The following CDK17 variants were observed in gnomAD, a reference collection of about 807,000 sequenced individuals.
The protein encoded by CDK17 is cyclin dependent kinase 17.
CDK17 carries 24 observed loss-of-function variants against 77.6 expected under a neutral mutation model. The ratio of observed to expected loss-of-function variants is 0.31; its 90% CI spans 0.22 to 0.44. CDK17 has a LOEUF of 0.44. Ranked by LOEUF, CDK17 falls within the 20% of genes least tolerant of loss-of-function variation. The pLI, the probability that CDK17 is intolerant of heterozygous loss-of-function variation, is 1.00. For synonymous variants in CDK17, 203 were observed against 210.4 expected (o/e 0.96, Z 0.30); for missense variants, 429 against 622.5 (o/e 0.69, Z 3.31).
Position 96,394,818 on chromosome 12 carries a change from A to G in CDK17, c.-30+5168T>C, listed in dbSNP as rs571852600. Among the ~76,000 whole-genome samples the G allele has an allele frequency of 2.8e-4, 42 of 151,348 alleles. 1 individual carries two copies. In the South Asian group the frequency reaches 8.3e-3, roughly 30 times the overall value. On this transcript the variant is annotated intron_variant, in intron 1 of 16. Coordinates refer to ENST00000261211, the MANE Select transcript of CDK17 (RefSeq NM_002595.5). ...CGTCTCAAAAAAAAAAAAAGAAAAAAAAAAGGTAGACAAAAAATATTTATT... is the reference window on the plus strand; with the variant it reads ...CGTCTCAAAAAAAAAAAAAGAAAAAGAAAAGGTAGACAAAAAATATTTATT...
intron 2 of CDK17, among the ~76,000 whole-genome samples, chr12:96,334,129 A>G (rs1426007761): frequency 6.6e-6 from 1 of 152,226 alleles, no homozygotes; most frequent in African/African-American, 2.4e-5. Context: ...AAAGCCAGTC[A>G]CGTAAGTTCC....
chr12:96,292,953 T>G (rs1468132755), intron 10 of CDK17, among the ~76,000 whole-genome samples: 1 of 152,158 alleles, frequency 6.6e-6, no homozygotes, highest in Admixed American at 6.5e-5. Flanking sequence ...GCTTCTAAAC[T>G]CATTGTTCTC....
intron 1 of CDK17, among the ~76,000 whole-genome samples, chr12:96,353,119 A>G (rs1052525820): frequency 6.6e-6 from 1 of 152,232 alleles, no homozygotes; most frequent in African/African-American, 2.4e-5. Flanking sequence ...TGGCCATGTA[A>G]TATCAATGAC....
chr12:96,332,467 A>C (rs1952986900), intron 2 of CDK17, among the ~76,000 whole-genome samples: 1 of 152,206 alleles, frequency 6.6e-6, no homozygotes, highest in African/African-American at 2.4e-5. Flanking sequence ...TCTGGCATGG[A>C]CTGTGTCTGT....
intron 6 of CDK17, among the ~76,000 whole-genome samples, chr12:96,299,823 GT>G (rs2137085389): frequency 6.6e-6 from 1 of 152,182 alleles, no homozygotes; most frequent in African/African-American, 2.4e-5. Context: ...ATTAACTATT[GT>G]TTTCTTTGCC....
At chr12:96,296,806 C>A (rs1473739089) in intron 9 of CDK17, among the ~76,000 whole-genome samples, 1 of 152,130 alleles carries the variant, frequency 6.6e-6, no homozygotes, top group African/African-American at 2.4e-5. Context: ...TTCTTCCTGA[C>A]AGTACAGATT....
chr12:96,388,716 C>G (rs951603200), intron 1 of CDK17, among the ~76,000 whole-genome samples: 2 of 152,028 alleles, frequency 1.3e-5, no homozygotes, highest in African/African-American at 4.8e-5. Flanking sequence ...TAAAGGAATC[C>G]CTGAGACTGG....
At chr12:96,359,040 T>C (rs1275113897) in intron 1 of CDK17, among the ~76,000 whole-genome samples, 1 of 151,872 alleles carries the variant, frequency 6.6e-6, no homozygotes, top group African/African-American at 2.4e-5. Context: ...TAAAATTTGA[T>C]GTCATCGGGT....
chr12:96,342,308 T>C (rs1330363123), intron 1 of CDK17, among the ~76,000 whole-genome samples: 1 of 152,254 alleles, frequency 6.6e-6, no homozygotes, highest in African/African-American at 2.4e-5. Flanking sequence ...CTAGGACATG[T>C]AAGCTAATCA....
At chr12:96,380,336 C>T (rs1175431669) in intron 1 of CDK17, among the ~76,000 whole-genome samples, 1 of 145,822 alleles carries the variant, frequency 6.9e-6, no homozygotes, top group African/African-American at 2.6e-5. Flanking sequence ...GGCTAGAGTG[C>T]AATGGTGCGA....
intron 1 of CDK17, chr12:96,399,223 G>A (rs750804795): frequency 7.9e-5 from 12 of 152,448 alleles, no homozygotes; most frequent in African/African-American, 2.6e-4. Flanking sequence ...CAAAAGCATC[G>A]GGCATAGCAT....
intron 9 of CDK17, 144 bp from the exon 10 acceptor site, chr12:96,295,266 T>C: frequency 1.9e-6 from 1 of 535,968 alleles, no homozygotes; most frequent in Non-Finnish European, 3.2e-6. Flanking sequence ...TACAATGTCT[T>C]TTTCCTTTTA....
chr12:96,290,014 G>A (rs1952302281), intron 10 of CDK17, among the ~76,000 whole-genome samples: 1 of 151,952 alleles, frequency 6.6e-6, no homozygotes, highest in Non-Finnish European at 1.5e-5. Context: ...ACTAACAACA[G>A]CCATGACCTT....
At chr12:96,294,884 C>T (rs1448319468) in intron 10 of CDK17, 115 bp downstream of exon 10, 25 of 848,144 alleles carry the variant, frequency 2.9e-5, no homozygotes, top group Middle Eastern at 3.6e-4. Flanking sequence ...TGTGGGCTAC[C>T]GAGAAAATTT....
intron 1 of CDK17, among the ~76,000 whole-genome samples, chr12:96,373,875 G>A (rs961287937): frequency 3.9e-5 from 6 of 152,050 alleles, no homozygotes; most frequent in African/African-American, 7.2e-5. Flanking sequence ...AGCCAAGATC[G>A]CGCCATTGCA....
At chr12:96,308,780 A>G (rs1278848611) in intron 5 of CDK17, among the ~76,000 whole-genome samples, 1 of 136,602 alleles carries the variant, frequency 7.3e-6, no homozygotes. Flanking sequence ...AAAAAAGGAG[A>G]TACAACAACT....
intron 1 of CDK17, among the ~76,000 whole-genome samples, chr12:96,336,899 A>G (rs1953048080): frequency 6.6e-6 from 1 of 152,172 alleles, no homozygotes; most frequent in East Asian, 1.9e-4. Context: ...TTTAACTCCA[A>G]AGTCTGAACA....
chr12:96,349,510 C>G (rs1362591771), intron 1 of CDK17, among the ~76,000 whole-genome samples: 2 of 146,114 alleles, frequency 1.4e-5, no homozygotes, highest in Non-Finnish European at 3.0e-5. Context: ...GAAGATAAAC[C>G]ACATGAACTT....
At position 96,316,694 on chromosome 12, in the gene CDK17, C is replaced by T. The variant is rs1311161674; in HGVS notation, c.284-3240G>A. Among the ~76,000 whole-genome samples the T allele has an allele frequency of 1.6e-5, 2 of 126,802 alleles. 1 individual carries two copies. Among genetic ancestry groups the T allele is most frequent in the East Asian group, 7.8e-4 (2 of 2,574 alleles). 83.2% of individuals were successfully genotyped at this position (126,802 alleles called of 152,430 possible). The stretch of plus-strand genomic sequence containing the variant: ...ACTGTGAGGCACCCCCCAGCAGGGG[C>T]ACACTGACACCTCACACGGCAGGGT... On this transcript the variant is annotated intron_variant, in intron 3 of 16. Transcript: ENST00000261211.
Sources: allele counts gnomAD v4.1 joint callset (sites outside exome capture counted in the v4.1 genomes callset), GRCh38; gene constraint gnomAD v4.1.1; transcripts MANE v1.5; gene names NCBI Gene and HGNC (gene_info 2026-07-23, HGNC 2026-07-21).